Variants in COL6A5 observed in about 807,000 individuals in gnomAD.
COL6A5 encodes the protein collagen type VI alpha 5 chain.
A neutral mutation model predicts 65.6 loss-of-function variants in COL6A5; 48 were observed. That is an observed-to-expected ratio of 0.73 (90% CI 0.58 to 0.93). The LOEUF is 0.93. COL6A5 is among the 40% of genes least tolerant of loss of function. COL6A5 has a pLI of 0.00. For missense variants in COL6A5, 914 were observed against 928.3 expected (o/e 0.98, Z 0.20); for synonymous variants, 291 against 322.8 (o/e 0.90, Z 1.05).
intron 4 of COL6A5, among the ~76,000 whole-genome samples, chr3:130,454,052 A>G (rs1373191688): frequency 6.6e-6 from 1 of 152,196 alleles, no homozygotes; most frequent in Non-Finnish European, 1.5e-5. Flanking sequence ...ACAAAATATT[A>G]TAATGTTATT....
At chr3:130,345,799 CTG>C in exon 1 of COL6A5, 1 of 397,060 alleles carries the variant, frequency 2.5e-6, no homozygotes, top group Non-Finnish European at 4.4e-6. Flanking sequence ...CCACCTGCAG[CTG>C]TGCGGCGCGG....
intron 7 of COL6A5, among the ~76,000 whole-genome samples, 152 bp from the exon 8 acceptor site, chr3:130,394,738 T>C (rs897158208): frequency 2.0e-5 from 3 of 152,274 alleles, no homozygotes; most frequent in Non-Finnish European, 4.4e-5. Flanking sequence ...TTTCTTCTTT[T>C]TGAGGATCAG....
chr3:130,453,820 C>T (rs1429552067), intron 4 of COL6A5, among the ~76,000 whole-genome samples: 9 of 152,114 alleles, frequency 5.9e-5, no homozygotes, highest in Non-Finnish European at 1.3e-4. Context: ...CTCTTTGATA[C>T]ACCCAGGAGC....
intron 25 of COL6A5, among the ~76,000 whole-genome samples, chr3:130,420,886 C>T (rs1208667711): frequency 6.6e-6 from 1 of 152,058 alleles, no homozygotes; most frequent in Admixed American, 6.6e-5. Flanking sequence ...AGGGAAGAAA[C>T]TGCCACTGAC....
exon 3 of COL6A5, chr3:130,440,449 C>A (rs1009045972): frequency 1.9e-6 from 3 of 1,613,516 alleles, no homozygotes; most frequent in Middle Eastern, 1.6e-4. Context: ...CTTATGACAA[C>A]CAACTCCTAA....
intron 22 of COL6A5, among the ~76,000 whole-genome samples, chr3:130,415,025 G>A (rs16827474): frequency 0.11 from 17,421 of 151,970 alleles, 1,063 homozygotes; most frequent in Middle Eastern, 0.14. Flanking sequence ...TCAGACACCC[G>A]TGGGTCCCTT....
intron 27 of COL6A5, 56 bp from the exon 28 acceptor site, chr3:130,422,664 T>A (rs1036104484): frequency 2.4e-5 from 28 of 1,170,480 alleles, no homozygotes; most frequent in African/African-American, 3.1e-5. Flanking sequence ...GTTTTTTTTT[T>A]AATTCTTTCA....
chr3:130,358,652 C>A (rs1426727820), intron 1 of COL6A5, among the ~76,000 whole-genome samples: 3 of 150,862 alleles, frequency 2.0e-5, no homozygotes, highest in African/African-American at 7.4e-5. Flanking sequence ...GGAATTTTTT[C>A]CCCCCAATCA....
At chr3:130,465,972 A>G (rs891847935) in intron 5 of COL6A5, among the ~76,000 whole-genome samples, 3 of 152,062 alleles carry the variant, frequency 2.0e-5, no homozygotes, top group African/African-American at 7.2e-5. Context: ...AAACTTGAAA[A>G]CATAGCAATA....
intron 7 of COL6A5, among the ~76,000 whole-genome samples, chr3:130,472,856 T>TATATATATAC (rs752157374): frequency 0.014 from 2,059 of 143,290 alleles, 33 homozygotes; most frequent in Non-Finnish European, 0.023. Context: ...TATATATATA[T>TATATATATAC]ATACACATTT....
At chr3:130,376,974 C>A in intron 3 of COL6A5, 138 bp downstream of exon 3, 2 of 953,014 alleles carry the variant, frequency 2.1e-6, no homozygotes, top group Non-Finnish European at 3.0e-6. Context: ...ATCATACCTA[C>A]TCGCTTCTGC....
intron 4 of COL6A5, among the ~76,000 whole-genome samples, chr3:130,450,626 G>A (rs1709410648): frequency 6.6e-6 from 1 of 152,120 alleles, no homozygotes; most frequent in Admixed American, 6.5e-5. Flanking sequence ...TTCGTGGTTT[G>A]CATTTTCAAA....
intron 3 of COL6A5, among the ~76,000 whole-genome samples, chr3:130,441,061 A>C (rs1277046129): frequency 6.6e-6 from 1 of 152,126 alleles, no homozygotes; most frequent in Non-Finnish European, 1.5e-5. Context: ...AACTCTCAGC[A>C]CTAGAAAGCC....
At chr3:130,350,976 T>TGGAAC (rs1435966017) in intron 1 of COL6A5, among the ~76,000 whole-genome samples, 4 of 152,050 alleles carry the variant, frequency 2.6e-5, no homozygotes, top group Admixed American at 6.6e-5. Flanking sequence ...TATAGACCAA[T>TGGAAC]GGAACAGAAC....
At chr3:130,362,171 C>G (rs1210457551) in intron 1 of COL6A5, among the ~76,000 whole-genome samples, 1 of 150,468 alleles carries the variant, frequency 6.6e-6, no homozygotes, top group African/African-American at 2.4e-5. Flanking sequence ...ATGTTATATT[C>G]TAGGAGCTTA....
intron 4 of COL6A5, among the ~76,000 whole-genome samples, chr3:130,450,159 C>G (rs1017862085): frequency 2.6e-5 from 4 of 151,946 alleles, no homozygotes; most frequent in Non-Finnish European, 5.9e-5. Context: ...TGCGTTGGGA[C>G]CGCCTGAAGT....
intron 4 of COL6A5, among the ~76,000 whole-genome samples, chr3:130,448,510 G>T (rs1399997965): frequency 6.6e-6 from 1 of 152,100 alleles, no homozygotes; most frequent in Non-Finnish European, 1.5e-5. Context: ...TTTTGAGGTC[G>T]AATGCATTGT....
chr3:130,401,053 G>C, exon 11 of COL6A5: 1 of 1,549,542 alleles, frequency 6.5e-7, no homozygotes, highest in Non-Finnish European at 8.7e-7. Context: ...TGCTGGTAGT[G>C]TCCCTTAACA....
chr3:130,407,987 T>C (rs1439135169), intron 17 of COL6A5, among the ~76,000 whole-genome samples: 1 of 152,174 alleles, frequency 6.6e-6, no homozygotes, highest in African/African-American at 2.4e-5. Flanking sequence ...CTTTGTAAGC[T>C]GAGGATATAT....
Sources: gnomAD v4.1 joint callset for allele counts (sites outside exome capture counted in the v4.1 genomes callset) on GRCh38, gnomAD v4.1.1 for gene constraint, MANE v1.5 for transcripts, NCBI Gene and HGNC (gene_info 2026-07-23, HGNC 2026-07-21) for gene names.